Variants in TATDN2 observed in about 807,000 individuals in gnomAD.
The protein encoded by TATDN2 is TatD DNase domain containing 2.
Under a neutral mutation model 60.3 loss-of-function variants are expected in TATDN2, and 44 were observed. The ratio of observed to expected loss-of-function variants is 0.73; its 90% CI spans 0.57 to 0.94. The LOEUF is 0.94. TATDN2 is among the 40% of genes least tolerant of loss of function. The pLI, the probability that TATDN2 is intolerant of heterozygous loss-of-function variation, is 0.00. For synonymous variants in TATDN2, 399 were observed against 355.8 expected (o/e 1.12, Z -1.37); for missense variants, 997 against 948.0 (o/e 1.05, Z -0.68).
chr3:10,257,841 ATTTTTTTTTTTTT>A (rs553265148), intron 2 of TATDN2, among the ~76,000 whole-genome samples: 51 of 30,308 alleles, frequency 1.7e-3, no homozygotes, highest in Admixed American at 2.4e-3. Context: ...AAGGTTTATG[ATTTTTTTTTTTTT>A]TTTTTTTTTT....
intron 2 of TATDN2, among the ~76,000 whole-genome samples, chr3:10,250,440 TAAG>T (rs1698205631): frequency 6.6e-6 from 1 of 152,014 alleles, no homozygotes; most frequent in African/African-American, 2.4e-5. Context: ...GTCTGAGTCT[TAAG>T]AAGTGAGAAG....
At chr3:10,263,468 G>A (rs1439278897) in intron 3 of TATDN2, among the ~76,000 whole-genome samples, 1 of 152,026 alleles carries the variant, frequency 6.6e-6, no homozygotes, top group Non-Finnish European at 1.5e-5. Context: ...GACTGGTCCT[G>A]TAATTTTATT....
At chr3:10,260,087 A>G in intron 2 of TATDN2, 50 bp from the exon 3 acceptor site, 3 of 1,553,530 alleles carry the variant, frequency 1.9e-6, no homozygotes, top group Non-Finnish European at 2.6e-6. Context: ...TGCTTCATGT[A>G]CGAAAGTGCC....
In TATDN2 at chr3:10,278,376, G is replaced by A. The variant is rs1352245538; in HGVS notation, c.2059G>A (p.Ala687Thr). ...GFTAVLTYSS[A>T]WEAREALRQI... Reference sequence around the variant, plus strand: ...CACGGCAGTGCTGACATACTCCTCTGCCTGGGAGGCCCGGGAAGCCTTGAG... The same window carrying A: ...CACGGCAGTGCTGACATACTCCTCTACCTGGGAGGCCCGGGAAGCCTTGAG... Residue 687 changes from alanine (A) to threonine (T), a missense_variant, in exon 6 of 8, where the codon GCC (alanine) becomes ACC (threonine). Transcript: ENST00000448281. This position sits in a 1 kb window ranked among gnomAD's most constrained non-coding sequence, Gnocchi z 4.7. 1.2e-6 allele frequency: 2 copies of A among 1,614,072 alleles called. No individual in the cohort carries two copies. Among genetic ancestry groups the A allele is most frequent in the African/African-American group, 1.3e-5 (1 of 74,926 alleles).
At chr3:10,262,831 G>A (rs573461029) in intron 3 of TATDN2, among the ~76,000 whole-genome samples, 1 of 152,140 alleles carries the variant, frequency 6.6e-6, no homozygotes, top group East Asian at 1.9e-4. Context: ...CACTTCGCCT[G>A]GCCTCTTCTG....
intron 2 of TATDN2, among the ~76,000 whole-genome samples, chr3:10,255,788 G>A (rs536269315): frequency 4.6e-5 from 7 of 152,224 alleles, no homozygotes; most frequent in African/African-American, 1.4e-4. Flanking sequence ...CCAAAAATAC[G>A]AAATGTAGCT....
chr3:10,280,125 C>T lies in TATDN2; in HGVS notation c.*943C>T, dbSNP rs1698709181. The T allele has an allele frequency of 6.5e-6, 1 of 153,686 alleles. No individual in the cohort carries two copies. Among genetic ancestry groups the T allele is most frequent in the Non-Finnish European group, 1.5e-5 (1 of 68,058 alleles). The allele number at this position is 153,686 out of a possible 1,614,324, so 9.5% of individuals were successfully genotyped here. On this transcript the variant is annotated 3_prime_UTR_variant, in exon 8 of 8. Transcript: ENST00000448281. ...ATCTTGTGTACAGTCCTTTGTGTAC[C>T]CCGCCCAGGTTGAGAGGTGAATCAG...
intron 2 of TATDN2, among the ~76,000 whole-genome samples, chr3:10,255,398 T>A (rs958662035): frequency 6.6e-6 from 1 of 152,198 alleles, no homozygotes. Flanking sequence ...GAATCCCGGT[T>A]CTGCCACTTA....
chr3:10,255,000 TTCCCACTTCCCAC>T (rs1161423186), intron 2 of TATDN2, among the ~76,000 whole-genome samples: 16 of 104,266 alleles, frequency 1.5e-4, no homozygotes, highest in African/African-American at 8.7e-4. Context: ...CCCTTCCTCC[TTCCCACTTCCCAC>T]TCCCCCTCCC....
In TATDN2 at chr3:10,279,935, C is replaced by T. The variant is rs1382148829; in HGVS notation, c.*753C>T. 1 of 153,812 alleles carries T rather than the reference C, an allele frequency of 6.5e-6. No homozygotes were observed. The highest frequency in any genetic ancestry group is 1.9e-4 in the East Asian group (1 of 5,190). The allele number at this position is 153,812 out of a possible 1,614,324, so 9.5% of individuals were successfully genotyped here. ...AAGAGGACCCCAAAGGAGGTACTTC[C>T]TCCTCACTGATGCCCTCAGGGCTGC... On this transcript the variant is annotated 3_prime_UTR_variant, in exon 8 of 8. Coordinates refer to ENST00000448281, the MANE Select transcript of TATDN2 (RefSeq NM_014760.4).
At chr3:10,269,229 A>T (rs972999177) in intron 3 of TATDN2, among the ~76,000 whole-genome samples, 2 of 152,224 alleles carry the variant, frequency 1.3e-5, no homozygotes, top group Admixed American at 1.3e-4. Context: ...CAGAGTGAGC[A>T]AGTGGAGTGA....
chr3:10,249,601 C>T lies in TATDN2; in HGVS notation c.401C>T (p.Ala134Val). 6.6e-7 allele frequency: 1 copy of T among 1,519,014 alleles called. No individual in the cohort carries two copies. Among genetic ancestry groups the T allele is most frequent in the Non-Finnish European group, 8.8e-7 (1 of 1,134,892 alleles). 94.1% of individuals were successfully genotyped at this position (1,519,014 alleles called of 1,614,324 possible). The stretch of plus-strand genomic sequence containing the variant: ...GAAATGGCTTCTCTAGAGGAGGAAG[C>T]CTGCAGCCTTAAGGTAGGTGGCTGC... ...LEEMASLEEE[A>V]CSLKVDSKDS... Residue 134 changes from alanine (A) to valine (V), a missense_variant, in exon 2 of 8, where the codon GCC becomes GTC. Coordinates refer to ENST00000448281, the MANE Select transcript of TATDN2 (RefSeq NM_014760.4).
At chr3:10,267,893 G>GA (rs1012965095) in intron 3 of TATDN2, among the ~76,000 whole-genome samples, 4 of 151,448 alleles carry the variant, frequency 2.6e-5, no homozygotes, top group South Asian at 2.1e-4. Flanking sequence ...ATTCAGCAGG[G>GA]AAAAAAAACA....
chr3:10,257,256 G>T (rs1576005803), intron 2 of TATDN2, among the ~76,000 whole-genome samples: 1 of 147,158 alleles, frequency 6.8e-6, no homozygotes, highest in Admixed American at 6.8e-5. Context: ...CCGCACTCCA[G>T]CCTGGACAAC....
intron 2 of TATDN2, among the ~76,000 whole-genome samples, chr3:10,255,883 A>G (rs1028142049): frequency 3.9e-5 from 6 of 152,204 alleles, no homozygotes; most frequent in Non-Finnish European, 7.3e-5. Context: ...CGGAGGTTGT[A>G]AGTGAGCTGA....
At chr3:10,275,593 G>A (rs173359) in intron 4 of TATDN2, among the ~76,000 whole-genome samples, 87,119 of 151,688 alleles carry the variant, frequency 0.57, 25,920 homozygotes, top group East Asian at 0.97. Context: ...AACAAATACA[G>A]AAATTAGCCA....
In TATDN2 at chr3:10,270,218, C is replaced by A; in HGVS notation, c.1036C>A (p.Gln346Lys). 1 of 1,614,188 alleles carries A rather than the reference C, an allele frequency of 6.2e-7. No individual in the cohort carries two copies. The highest frequency in any genetic ancestry group is 8.5e-7 in the Non-Finnish European group (1 of 1,180,030). ...VEEISTVRFS[Q>K]EEPVSLKPSA... ...GGAGATCTCCACAGTCAGATTCTCTCAGGAGGAACCTGTCTCCCTGAAACC... is the reference window on the plus strand; with the variant it reads ...GGAGATCTCCACAGTCAGATTCTCTAAGGAGGAACCTGTCTCCCTGAAACC... The change falls in exon 4 of 8, where the codon CAG becomes AAG. Residue 346 changes from glutamine (Q) to lysine (K), a missense_variant. By Grantham distance (53) the Gln-to-Lys change is moderately conservative. Coordinates refer to ENST00000448281, the MANE Select transcript of TATDN2 (RefSeq NM_014760.4).
chr3:10,255,678 A>C (rs137868635), intron 2 of TATDN2, among the ~76,000 whole-genome samples: 5 of 152,190 alleles, frequency 3.3e-5, no homozygotes, highest in Admixed American at 3.3e-4. Flanking sequence ...GCGGTGGCTC[A>C]TGCCTGTAAT....
chr3:10,264,272 G>A (rs570633601), intron 3 of TATDN2, among the ~76,000 whole-genome samples: 8 of 152,184 alleles, frequency 5.3e-5, no homozygotes, highest in Non-Finnish European at 8.8e-5. Context: ...TCTGTTCTAA[G>A]CTTTCCTGGT....
Sources: allele counts gnomAD v4.1 joint callset (sites outside exome capture counted in the v4.1 genomes callset), GRCh38; gene constraint gnomAD v4.1.1; non-coding constraint Gnocchi (gnomAD v3.1); transcripts MANE v1.5; gene names NCBI Gene and HGNC (gene_info 2026-07-23, HGNC 2026-07-21).